The following CLEC19A variants were observed in gnomAD, a reference collection of about 807,000 sequenced individuals.
CLEC19A encodes C-type lectin domain family 19 member A.
A neutral mutation model predicts 26.1 loss-of-function variants in CLEC19A; 21 were observed. That is an observed-to-expected ratio of 0.80 (90% confidence interval 0.57 to 1.16). The LOEUF (loss-of-function observed/expected upper bound fraction) is 1.16. Ranked by LOEUF, CLEC19A falls within the 50% of genes most tolerant of loss-of-function variation. CLEC19A has a pLI of 0.00. For missense variants in CLEC19A, 224 were observed against 227.6 expected, an observed-to-expected ratio of 0.98 and a Z score of 0.10; for synonymous variants, 89 against 88.6, an observed-to-expected ratio of 1.00 and a Z score of -0.03.
In CLEC19A at chr16:19,310,867, G is replaced by A. The variant is rs1332285495; in HGVS notation, c.*1784G>A. ...TATCTGCAATTAGATAGTGGTAATG[G>A]CTGCACAATATTGTAAATGTACAAG... On this transcript the variant is annotated 3_prime_UTR_variant, in exon 5 of 5. Coordinates refer to ENST00000636231, the MANE Select transcript of CLEC19A (RefSeq NM_001256720.2). The A allele has an allele frequency of 6.6e-6, 1 of 152,180 alleles. No homozygotes were observed. Among genetic ancestry groups the A allele is most frequent in the African/African-American group, 2.4e-5 (1 of 41,430 alleles). The allele number at this position is 152,180 out of a possible 1,614,324, so 9.4% of individuals were successfully genotyped here.
chr16:19,300,899 C>G (rs989504786), intron 2 of CLEC19A, among the ~76,000 whole-genome samples: 2 of 152,108 alleles, frequency 1.3e-5, no homozygotes, highest in Non-Finnish European at 2.9e-5. Context: ...GACTCCCAAG[C>G]CGAGGGGGAA....
Position 19,285,791 on chromosome 16 carries a change from C to A in CLEC19A, c.-61C>A. 6.9e-7 allele frequency: 1 copy of A among 1,457,242 alleles called. No individual in the cohort carries two copies. Among genetic ancestry groups the A allele is most frequent in the Non-Finnish European group, 9.4e-7 (1 of 1,063,994 alleles). 90.3% of individuals were successfully genotyped at this position (1,457,242 alleles called of 1,614,324 possible). On this transcript the variant is annotated 5_prime_UTR_variant, in exon 1 of 5. Transcript: ENST00000636231. The stretch of plus-strand genomic sequence containing the variant: ...CTAGGAGAGCAATCCTGGACCCAAG[C>A]TCCAGCCAAAAAGCCTCTCTCCTCC...
At chr16:19,298,559 C>T in intron 1 of CLEC19A, 114 bp from the exon 2 acceptor site, 1 of 1,125,600 alleles carries the variant, frequency 8.9e-7, no homozygotes. Flanking sequence ...GAACGAGACC[C>T]TGTCTCTTAA....
chr16:19,300,138 C>T (rs772488796), intron 2 of CLEC19A, among the ~76,000 whole-genome samples: 7 of 151,866 alleles, frequency 4.6e-5, no homozygotes, highest in Non-Finnish European at 8.8e-5. Context: ...GTAGGAGAAT[C>T]GCTTGAACCC....
In CLEC19A at chr16:19,285,918, A is replaced by G; in HGVS notation, c.67A>G (p.Thr23Ala). The G allele has an allele frequency of 6.4e-7, 1 of 1,550,480 alleles. No homozygotes were observed. Among genetic ancestry groups the G allele is most frequent in the East Asian group, 2.4e-5 (1 of 40,912 alleles). The stretch of plus-strand genomic sequence containing the variant: ...CCACTCTGCACAGGCCTTTCCACAA[A>G]CAGACATCAGTATCAGTCCAGGTAA... ...TLHSAQAFPQ[T>A]DISISPALPE... Residue 23 changes from threonine (T) to alanine (A), a missense_variant, in exon 1 of 5, where the codon ACA becomes GCA. Thr to Ala is a moderately conservative substitution (Grantham distance 58). Transcript: ENST00000636231.
chr16:19,286,339 T>A (rs928928926), intron 1 of CLEC19A, among the ~76,000 whole-genome samples: 2 of 152,228 alleles, frequency 1.3e-5, no homozygotes, highest in Admixed American at 1.3e-4. Context: ...GGATTTGGCA[T>A]CTGGGCCCCA....
intron 1 of CLEC19A, among the ~76,000 whole-genome samples, chr16:19,293,442 G>C (rs1048191791): frequency 6.7e-6 from 1 of 148,952 alleles, no homozygotes; most frequent in Non-Finnish European, 1.5e-5. Context: ...CACTATCTTT[G>C]GTACTTTTTA....
chr16:19,304,304 T>C, intron 3 of CLEC19A, 149 bp downstream of exon 3: 1 of 640,790 alleles, frequency 1.6e-6, no homozygotes, highest in Non-Finnish European at 2.8e-6. Flanking sequence ...AGTTACAGCA[T>C]GACCAATTTG....
chr16:19,309,076 T>G lies in CLEC19A; in HGVS notation c.554T>G (p.Ile185Ser). ...GTCTGCAAAATCCCATCTCTGACCA[T>G]TCATTGATCCTGTCTTGTCCTACTG... ...PFVCKIPSLT[I>S]H The change falls in exon 5 of 5, where the codon ATT becomes AGT. Residue 185 changes from isoleucine to serine, a missense_variant. Transcript: ENST00000636231. 1.3e-6 allele frequency: 2 copies of G among 1,547,988 alleles called. No individual in the cohort carries two copies. The highest frequency in any genetic ancestry group is 1.7e-6 in the Non-Finnish European group (2 of 1,146,438).
At chr16:19,289,516 TAG>T (rs1897537841) in intron 1 of CLEC19A, among the ~76,000 whole-genome samples, 1 of 152,220 alleles carries the variant, frequency 6.6e-6, no homozygotes, top group African/African-American at 2.4e-5. Flanking sequence ...CAAGTCTCAA[TAG>T]AGTCTCAATC....
chr16:19,308,703 T>A (rs1406234830), intron 4 of CLEC19A, among the ~76,000 whole-genome samples: 1 of 152,116 alleles, frequency 6.6e-6, no homozygotes, highest in African/African-American at 2.4e-5. Context: ...TTTCTTTTCC[T>A]AATTAGGGGA....
intron 1 of CLEC19A, among the ~76,000 whole-genome samples, chr16:19,290,255 T>A (rs150870898): frequency 1.2e-3 from 180 of 152,218 alleles, no homozygotes; most frequent in African/African-American, 4.0e-3. Flanking sequence ...ATGTTGCTAA[T>A]TGAAGGAAAA....
At chr16:19,287,586 T>C (rs182774460) in intron 1 of CLEC19A, among the ~76,000 whole-genome samples, 2 of 152,310 alleles carry the variant, frequency 1.3e-5, no homozygotes, top group Admixed American at 1.3e-4. Flanking sequence ...CCTTGCAGAC[T>C]GCGCCTCGTA....
intron 3 of CLEC19A, among the ~76,000 whole-genome samples, chr16:19,306,232 A>G (rs1255415608): frequency 2.6e-5 from 4 of 151,090 alleles, no homozygotes; most frequent in African/African-American, 9.8e-5. Context: ...CGCAACCTTG[A>G]ACTCCTGGGT....
chr16:19,289,285 T>C (rs1489867452), intron 1 of CLEC19A, among the ~76,000 whole-genome samples: 1 of 152,350 alleles, frequency 6.6e-6, no homozygotes, highest in East Asian at 1.9e-4. Flanking sequence ...ATACTTAGTA[T>C]GCGATGACTC....
rs1260537677 is a variant in CLEC19A, at chr16:19,301,731, TTTTGG to T, written c.255-2327_255-2323del. On this transcript the variant is annotated intron_variant, in intron 2 of 4. Transcript: ENST00000636231. ...GGCGCATGACACCATGCCCAGGTTT[TTTTGG>T]TTTTTTTTTTTTTTTTTTTTTTTTT... 3.5e-3 allele frequency among the ~76,000 whole-genome samples: 226 copies of T among 64,746 alleles called. 20 individuals are homozygous for T. The highest frequency in any genetic ancestry group is 0.022 in the African/African-American group (216 of 9,958). The allele number at this position is 64,746 out of a possible 152,430, so 42.5% of individuals were successfully genotyped here.
At chr16:19,288,728 G>A (rs745693739) in intron 1 of CLEC19A, among the ~76,000 whole-genome samples, 29 of 152,120 alleles carry the variant, frequency 1.9e-4, no homozygotes, top group African/African-American at 2.7e-4. Context: ...TAAGAGCTAC[G>A]TAAACATTTA....
intron 1 of CLEC19A, among the ~76,000 whole-genome samples, chr16:19,289,661 C>T (rs1418063093): frequency 6.6e-6 from 1 of 152,168 alleles, no homozygotes; most frequent in African/African-American, 2.4e-5. Flanking sequence ...TACTAAACAC[C>T]CAATGAATGG....
At chr16:19,293,392 G>T (rs1423802758) in intron 1 of CLEC19A, among the ~76,000 whole-genome samples, 1 of 152,106 alleles carries the variant, frequency 6.6e-6, no homozygotes, top group East Asian at 1.9e-4. Flanking sequence ...GTTAACATCA[G>T]GGGAAACTGG....
Sources: gnomAD v4.1 joint callset for allele counts (sites outside exome capture counted in the v4.1 genomes callset) on GRCh38, gnomAD v4.1.1 for gene constraint, MANE v1.5 for transcripts, NCBI Gene and HGNC (gene_info 2026-07-23, HGNC 2026-07-21) for gene names.